Variants in RRP12 observed in about 807,000 individuals in gnomAD.
RRP12 encodes RRP12-like protein.
RRP12 carries 78 observed loss-of-function variants against 157.3 expected under a neutral mutation model. That is an observed-to-expected ratio of 0.50 (90% CI 0.41 to 0.60). The LOEUF is 0.60. Ranked by LOEUF, RRP12 falls within the 20% of genes least tolerant of loss-of-function variation. RRP12 has a pLI of 0.00. For missense variants in RRP12, 1,521 were observed against 1,679.9 expected (o/e 0.91, Z 1.65); for synonymous variants, 726 against 670.9 (o/e 1.08, Z -1.27).
chr10:97,389,228 G>A (rs1213835387), intron 6 of RRP12, among the ~76,000 whole-genome samples: 1 of 152,038 alleles, frequency 6.6e-6, no homozygotes, highest in African/African-American at 2.4e-5. Flanking sequence ...CGAGCAGCTG[G>A]GACTACAGGC....
chr10:97,393,989 G>A (rs1033903308), intron 3 of RRP12, among the ~76,000 whole-genome samples: 1 of 152,118 alleles, frequency 6.6e-6, no homozygotes, highest in African/African-American at 2.4e-5. Flanking sequence ...TACCTTATAC[G>A]TTGTTGTGAG....
Position 97,373,719 on chromosome 10 carries a change from C to G in RRP12, c.1882G>C (p.Gly628Arg). 8.7e-6 allele frequency: 14 copies of G among 1,613,030 alleles called. No individual in the cohort carries two copies. Among genetic ancestry groups the G allele is most frequent in the Non-Finnish European group, 1.2e-5 (14 of 1,179,180 alleles). ...LQWQMWTLLP[G>R]FCTRPTDVAI... ...ACATCTGTAGGCCTTGTGCAGAACC[C>G]AGGCAGGAGTGTCCACATCTGGAGA... Residue 628 changes from glycine (G) to arginine (R), a missense_variant, in exon 17 of 34, where the codon GGG (glycine) becomes CGG (arginine). Coordinates refer to ENST00000370992, the MANE Select transcript of RRP12 (RefSeq NM_015179.4).
At chr10:97,370,403 C>T in intron 23 of RRP12, 52 bp downstream of exon 23, 2 of 1,422,932 alleles carry the variant, frequency 1.4e-6, no homozygotes, top group Non-Finnish European at 1.9e-6. Context: ...GGGGTGCTTC[C>T]CCCCACCCAG....
Position 97,401,075 on chromosome 10 carries a change from G to T in RRP12, c.139+18C>A, listed in dbSNP as rs140281864. Reference sequence around the variant, plus strand: ...TGGAACCCCGCCCCCGGCTGCGCTCGGGTCTCAACCCAGCTACCTGACGGC... The same window carrying T: ...TGGAACCCCGCCCCCGGCTGCGCTCTGGTCTCAACCCAGCTACCTGACGGC... On this transcript the variant is annotated intron_variant, in intron 1 of 33. Transcript: ENST00000370992. The T allele has an allele frequency of 6.2e-7, 1 of 1,611,188 alleles. No individual in the cohort carries two copies. Among genetic ancestry groups the T allele is most frequent in the East Asian group, 2.2e-5 (1 of 44,766 alleles).
chr10:97,365,208 C>T (rs969840076), intron 29 of RRP12, among the ~76,000 whole-genome samples: 10 of 151,320 alleles, frequency 6.6e-5, no homozygotes, highest in African/African-American at 2.4e-4. Context: ...GAGACAAGGG[C>T]CCAGAGCTCG....
In RRP12 at chr10:97,401,294, C is replaced by G. The variant is rs1845142357; in HGVS notation, c.-63G>C. 30 of 1,603,388 alleles carry G rather than the reference C, an allele frequency of 1.9e-5. No individual in the cohort carries two copies. The highest frequency in any genetic ancestry group is 2.5e-5 in the Non-Finnish European group (29 of 1,171,792). On this transcript the variant is annotated 5_prime_UTR_variant, in exon 1 of 34. Coordinates refer to ENST00000370992, the MANE Select transcript of RRP12 (RefSeq NM_015179.4). The stretch of plus-strand genomic sequence containing the variant: ...CGGCTTCCAGGGACGTAGAAACACG[C>G]TCAGAACCCACGTGGATACCCTGTA...
chr10:97,375,887 T>C (rs1485644331), intron 15 of RRP12, among the ~76,000 whole-genome samples: 1 of 152,158 alleles, frequency 6.6e-6, no homozygotes, highest in Non-Finnish European at 1.5e-5. Context: ...GTGGATCACT[T>C]GAGGTCAGGA....
intron 30 of RRP12, among the ~76,000 whole-genome samples, chr10:97,361,940 C>A (rs7905026): frequency 0.33 from 50,743 of 151,764 alleles, 9,135 homozygotes; most frequent in African/African-American, 0.47. Flanking sequence ...AACCCCATCT[C>A]CACTAAAAAT....
intron 30 of RRP12, among the ~76,000 whole-genome samples, chr10:97,362,195 A>G (rs1206996877): frequency 1.3e-5 from 2 of 151,738 alleles, no homozygotes; most frequent in East Asian, 3.9e-4. Context: ...ACAGAATGCA[A>G]CTGCCCTGGG....
intron 14 of RRP12, 24 bp downstream of exon 14, chr10:97,379,604 G>C (rs1844406661): frequency 3.1e-6 from 5 of 1,612,092 alleles, no homozygotes; most frequent in Non-Finnish European, 4.2e-6. Context: ...GGCTTGTCAG[G>C]AAGCCAGCCA....
At chr10:97,388,678 T>G in intron 6 of RRP12, 54 bp from the exon 7 acceptor site, 1 of 1,595,518 alleles carries the variant, frequency 6.3e-7, no homozygotes, top group South Asian at 1.1e-5. Context: ...CACCAGCATC[T>G]TGGGTGTCCG....
chr10:97,379,874 A>G, intron 13 of RRP12, 104 bp from the exon 14 acceptor site: 1 of 1,140,752 alleles, frequency 8.8e-7, no homozygotes, highest in Non-Finnish European at 1.2e-6. Flanking sequence ...CCTGGGTTCA[A>G]CGCTACACCA....
chr10:97,370,093 C>A, intron 24 of RRP12, 74 bp downstream of exon 24: 2 of 1,037,452 alleles, frequency 1.9e-6, no homozygotes, highest in Non-Finnish European at 2.8e-6. Context: ...GTTCCAGGAG[C>A]CACTTTATCC....
chr10:97,401,281 A>T lies in RRP12; in HGVS notation c.-50T>A, dbSNP rs1420338486. The T allele has an allele frequency of 6.2e-7, 1 of 1,609,692 alleles. No homozygotes were observed. Among genetic ancestry groups the T allele is most frequent in the East Asian group, 2.2e-5 (1 of 44,806 alleles). ...GAGCTTAAATGACCGGCTTCCAGGG[A>T]CGTAGAAACACGCTCAGAACCCACG... is the stretch of plus-strand genomic sequence containing the variant. On this transcript the variant is annotated 5_prime_UTR_variant, in exon 1 of 34. Coordinates refer to ENST00000370992, the MANE Select transcript of RRP12 (RefSeq NM_015179.4).
intron 24 of RRP12, among the ~76,000 whole-genome samples, chr10:97,369,818 G>A (rs1331163884): frequency 6.6e-6 from 1 of 152,232 alleles, no homozygotes; most frequent in East Asian, 1.9e-4. Context: ...GTGCTAAGAG[G>A]CTAATCAAGC....
intron 10 of RRP12, among the ~76,000 whole-genome samples, chr10:97,383,967 C>T (rs962288417): frequency 6.6e-6 from 1 of 152,188 alleles, no homozygotes; most frequent in Non-Finnish European, 1.5e-5. Context: ...TGTCCTACCC[C>T]GTGCCTCACA....
intron 12 of RRP12, 69 bp downstream of exon 12, chr10:97,381,317 C>A: frequency 8.9e-6 from 10 of 1,120,798 alleles, no homozygotes; most frequent in Non-Finnish European, 1.3e-5. Flanking sequence ...GAGAGTGGAG[C>A]ATTCGTATTA....
chr10:97,379,558 A>T (rs1415717984), intron 14 of RRP12, 70 bp downstream of exon 14: 1 of 1,598,488 alleles, frequency 6.3e-7, no homozygotes, highest in Non-Finnish European at 8.5e-7. Context: ...AGCCCACAGC[A>T]GCAGACATCC....
In RRP12 at chr10:97,385,910, G is replaced by A. The variant is rs753515335; in HGVS notation, c.1101C>T (p.Asn367=). ...PGLSTLSAEL[N]AQIITALYDY... The stretch of plus-strand genomic sequence containing the variant: ...CAGGCCTCACCGTGATGATCTGGGC[G>A]TTGAGCTCTGCTGACAGGGTGCTCA... Residue 367 remains asparagine, a synonymous_variant, in exon 9 of 34, where the codon AAC becomes AAT. Coordinates refer to ENST00000370992, the MANE Select transcript of RRP12 (RefSeq NM_015179.4). 123 of 1,604,568 alleles carry A rather than the reference G, an allele frequency of 7.7e-5. No homozygotes were observed. Among genetic ancestry groups the A allele is most frequent in the East Asian group, 2.0e-4 (9 of 44,612 alleles).
Sources: allele counts gnomAD v4.1 joint callset (sites outside exome capture counted in the v4.1 genomes callset), GRCh38; gene constraint gnomAD v4.1.1; transcripts MANE v1.5; gene names NCBI Gene and HGNC (gene_info 2026-07-23, HGNC 2026-07-21).